The following HYDIN variants were observed in gnomAD, a reference collection of about 807,000 sequenced individuals.
HYDIN encodes the protein axonemal central pair apparatus protein HYDIN.
A neutral mutation model predicts 403.9 loss-of-function variants in HYDIN; 132 were observed. The ratio of observed to expected loss-of-function variants is 0.33; its 90% CI spans 0.28 to 0.38. The LOEUF (loss-of-function observed/expected upper bound fraction) is 0.38, where lower values mean the gene tolerates loss of function less well. HYDIN is among the 10% of genes least tolerant of loss of function. HYDIN has a pLI of 1.00. For synonymous variants in HYDIN, 1,202 were observed against 1,891.7 expected, an observed-to-expected ratio of 0.64 and a Z score of 9.46; for missense variants, 2,827 against 5,009.5, an observed-to-expected ratio of 0.56 and a Z score of 13.15.
In HYDIN at chr16:70,922,084, C is replaced by T. The variant is rs548308251; in HGVS notation, c.7159-867G>A. Among the ~76,000 whole-genome samples, 5 of 152,348 alleles carry T rather than the reference C, an allele frequency of 3.3e-5. No individual in the cohort carries two copies. The South Asian group carries it at 1.0e-3, about 32-fold the overall frequency. On this transcript the variant is annotated intron_variant, in intron 45 of 85. Coordinates refer to ENST00000393567, the MANE Select transcript of HYDIN (RefSeq NM_001270974.2). ...CCTTCCCAGGTCTAGCTCTCCTCCT[C>T]TCTAAGTTCAGGCCAGCATCAGGCT...
intron 12 of HYDIN, chr16:71,087,886 A>T (rs2082977622): frequency 6.4e-6 from 1 of 155,666 alleles, no homozygotes; most frequent in South Asian, 2.0e-4. Flanking sequence ...TAATAGTGAG[A>T]TCATGTAAGT....
At chr16:71,199,177 T>A (rs1309964127) in intron 1 of HYDIN, among the ~76,000 whole-genome samples, 1 of 152,222 alleles carries the variant, frequency 6.6e-6, no homozygotes, top group Non-Finnish European at 1.5e-5. Flanking sequence ...TTTTTTCTAT[T>A]AGGTTATCTT....
intron 1 of HYDIN, among the ~76,000 whole-genome samples, chr16:71,228,054 A>T (rs1184649341): frequency 9.2e-5 from 14 of 151,978 alleles, no homozygotes; most frequent in South Asian, 2.1e-4. Context: ...AAAACAAGAA[A>T]TGGGGAAAGG....
intron 1 of HYDIN, among the ~76,000 whole-genome samples, chr16:71,214,533 T>G (rs2088771415): frequency 6.6e-6 from 1 of 152,172 alleles, no homozygotes; most frequent in African/African-American, 2.4e-5. Context: ...TCCCACAGTG[T>G]AAGTTGGAAG....
intron 39 of HYDIN, among the ~76,000 whole-genome samples, chr16:70,955,918 A>C (rs2078221147): frequency 6.6e-6 from 1 of 152,100 alleles, no homozygotes; most frequent in South Asian, 2.1e-4. Flanking sequence ...TCCTGGTTTC[A>C]AGTGATTCTC....
intron 40 of HYDIN, among the ~76,000 whole-genome samples, chr16:70,954,462 A>G (rs2078165841): frequency 6.6e-6 from 1 of 151,158 alleles, no homozygotes; most frequent in African/African-American, 2.4e-5. Context: ...CAAAAAAAAA[A>G]AAAAAAAAAG....
chr16:71,048,346 A>G (rs2081519138), intron 18 of HYDIN, among the ~76,000 whole-genome samples: 1 of 134,756 alleles, frequency 7.4e-6, no homozygotes, highest in Non-Finnish European at 1.6e-5. Flanking sequence ...TTCCCTGTGG[A>G]TAAGTACCCA....
intron 60 of HYDIN, 137 bp downstream of exon 60, chr16:70,882,523 G>T: frequency 1.7e-6 from 1 of 595,074 alleles, no homozygotes; most frequent in Admixed American, 2.9e-5. Context: ...GAAAGCCCCC[G>T]GTTACTTCAC....
intron 29 of HYDIN, among the ~76,000 whole-genome samples, chr16:70,981,163 TA>T (rs1245514559): frequency 1.3e-5 from 2 of 152,110 alleles, no homozygotes; most frequent in Non-Finnish European, 2.9e-5. Flanking sequence ...CCTCTGTCAG[TA>T]ATTCAATAAT....
intron 1 of HYDIN, among the ~76,000 whole-genome samples, chr16:71,222,621 G>A (rs552281240): frequency 2.8e-4 from 43 of 152,074 alleles, no homozygotes; most frequent in African/African-American, 1.0e-3. Flanking sequence ...TCTGATGAAC[G>A]AATTCAGTAA....
chr16:71,181,426 A>G (rs541240070), intron 3 of HYDIN, among the ~76,000 whole-genome samples: 1 of 152,240 alleles, frequency 6.6e-6, no homozygotes, highest in Non-Finnish European at 1.5e-5. Flanking sequence ...AAATAAATGT[A>G]CCAGATTAGA....
rs2079073275 is a variant in HYDIN at position 70,982,380 on chromosome 16, TA to T, written c.4333-813del. ...ATATGGCATTGGAAGCAAGTTCTGCTATTCCTTCAAAAACAGATAATCACTT... is the reference window on the plus strand; with the variant it reads ...ATATGGCATTGGAAGCAAGTTCTGCTTTCCTTCAAAAACAGATAATCACTT... On this transcript the variant is annotated intron_variant, in intron 28 of 85. Transcript: ENST00000393567. 2.6e-5 allele frequency among the ~76,000 whole-genome samples: 4 copies of T among 151,616 alleles called. No homozygotes were observed. In the South Asian group the frequency reaches 8.4e-4, roughly 32 times the overall value.
At chr16:70,980,350 T>A (rs1381727336) in intron 29 of HYDIN, among the ~76,000 whole-genome samples, 2 of 150,970 alleles carry the variant, frequency 1.3e-5, no homozygotes, top group Non-Finnish European at 3.0e-5. Flanking sequence ...AAAAAAAAAA[T>A]TAAAAAATTA....
At position 70,806,840 on chromosome 16, in the gene HYDIN, C is replaced by T. The variant is rs1463453895; in HGVS notation, c.*740G>A. Among the ~76,000 whole-genome samples the T allele has an allele frequency of 6.6e-6, 1 of 152,142 alleles. No individual in the cohort carries two copies. The highest frequency in any genetic ancestry group is 1.5e-5 in the Non-Finnish European group (1 of 68,034). On this transcript the variant is annotated 3_prime_UTR_variant, in exon 86 of 86. Coordinates refer to ENST00000393567, the MANE Select transcript of HYDIN (RefSeq NM_001270974.2). ...CCAATTACATCAGATGGGGACTGGG[C>T]ACGTTCAGAGTGAGAGTTAGGTGGT...
At chr16:70,997,350 G>A (rs2144062025) in intron 23 of HYDIN, among the ~76,000 whole-genome samples, 1 of 141,504 alleles carries the variant, frequency 7.1e-6, no homozygotes, top group South Asian at 2.6e-4. Flanking sequence ...CCAGGGACAG[G>A]GAAGAAGTCT....
chr16:70,854,162 A>G (rs144986375), intron 73 of HYDIN, among the ~76,000 whole-genome samples: 6,326 of 151,982 alleles, frequency 0.042, 469 homozygotes, highest in African/African-American at 0.14. Flanking sequence ...TTACAGGTGT[A>G]AGCCACCACG....
rs2087083643 is a variant in HYDIN at position 71,185,132 on chromosome 16, T to A, written c.136-142A>T. On this transcript the variant is annotated intron_variant, in intron 2 of 85. Coordinates refer to ENST00000393567, the MANE Select transcript of HYDIN (RefSeq NM_001270974.2). ...GCCACTAAGTTCCCTTATAAAATAT[T>A]TAAAATAAGTAAATTATATAAGAGA... is the stretch of plus-strand genomic sequence containing the variant. 1.2e-5 allele frequency: 5 copies of A among 428,810 alleles called. No individual in the cohort carries two copies. The South Asian group carries it at 4.1e-4, about 35-fold the overall frequency. 26.6% of individuals were successfully genotyped at this position (428,810 alleles called of 1,614,324 possible).
intron 71 of HYDIN, 127 bp from the exon 72 acceptor site, chr16:70,857,997 A>G (rs2039137078): frequency 8.2e-7 from 1 of 1,219,208 alleles, no homozygotes; most frequent in Non-Finnish European, 1.1e-6. Context: ...ACCTTTCTAT[A>G]GTCCATGTAA....
intron 1 of HYDIN, among the ~76,000 whole-genome samples, chr16:71,187,353 A>G (rs1174906055): frequency 6.6e-6 from 1 of 152,208 alleles, no homozygotes; most frequent in Non-Finnish European, 1.5e-5. Context: ...GAGATTCGAA[A>G]TAGCATGAGA....
Sources: gnomAD v4.1 joint callset for allele counts (sites outside exome capture counted in the v4.1 genomes callset) on GRCh38, gnomAD v4.1.1 for gene constraint, MANE v1.5 for transcripts, NCBI Gene and HGNC (gene_info 2026-07-23, HGNC 2026-07-21) for gene names.